VAV2: variants seen among roughly 807,000 people sequenced by gnomAD.
The protein encoded by VAV2 is guanine nucleotide exchange factor VAV2.
A neutral mutation model predicts 132.5 loss-of-function variants in VAV2; 67 were observed. The observed-to-expected ratio is 0.51, with a 90% confidence interval of 0.42 to 0.62. The LOEUF (loss-of-function observed/expected upper bound fraction) is 0.62, where lower values mean the gene tolerates loss of function less well. Among genes scored for constraint, VAV2 ranks in the 20% least tolerant of loss-of-function variants. VAV2 has a pLI of 0.00. For synonymous variants in VAV2, 492 were observed against 443.5 expected (o/e 1.11, Z -1.37); for missense variants, 938 against 1,153.6 (o/e 0.81, Z 2.71).
At chr9:133,975,513 C>T (rs913223264) in intron 1 of VAV2, among the ~76,000 whole-genome samples, 1 of 152,202 alleles carries the variant, frequency 6.6e-6, no homozygotes, top group Non-Finnish European at 1.5e-5. Context: ...ACATGTATTG[C>T]GGAAAGTATT....
At chr9:133,856,684 G>A (rs1037490302) in intron 3 of VAV2, among the ~76,000 whole-genome samples, 2 of 152,190 alleles carry the variant, frequency 1.3e-5, no homozygotes, top group Non-Finnish European at 2.9e-5. Flanking sequence ...AGGGGCTGGC[G>A]TCAAGGTATC....
intron 8 of VAV2, among the ~76,000 whole-genome samples, chr9:133,806,977 A>G (rs942456756): frequency 6.6e-6 from 1 of 152,240 alleles, no homozygotes; most frequent in African/African-American, 2.4e-5. Flanking sequence ...GGCCGCTGAC[A>G]AAAACTTCAT....
intron 2 of VAV2, among the ~76,000 whole-genome samples, chr9:133,917,441 C>CTTTT (rs56141918): frequency 7.5e-6 from 1 of 132,610 alleles, no homozygotes; most frequent in Admixed American, 7.2e-5. Context: ...AAAACTCTTT[C>CTTTT]TTTTTTTTTT....
At chr9:133,803,937 G>A (rs1835037195) in intron 9 of VAV2, among the ~76,000 whole-genome samples, 1 of 152,026 alleles carries the variant, frequency 6.6e-6, no homozygotes, top group Non-Finnish European at 1.5e-5. Flanking sequence ...CCCCACCCCT[G>A]CAGGACTGTG....
chr9:133,827,633 G>GCACGGGCATCGCCAGCTACCGC (rs1836075376), intron 4 of VAV2, among the ~76,000 whole-genome samples: 1 of 19,200 alleles, frequency 5.2e-5, no homozygotes, highest in African/African-American at 7.2e-5. Context: ...TGACCACTGA[G>GCACGGGCATCGCCAGCTACCGC]TGGGGGCATC....
chr9:133,983,428 G>A (rs935801486), intron 1 of VAV2, among the ~76,000 whole-genome samples: 7 of 152,092 alleles, frequency 4.6e-5, no homozygotes, highest in Admixed American at 2.6e-4. Flanking sequence ...GGGGTGGGGC[G>A]GATGCTCACC....
At chr9:133,839,642 G>A (rs1167316711) in intron 3 of VAV2, among the ~76,000 whole-genome samples, 1 of 151,914 alleles carries the variant, frequency 6.6e-6, no homozygotes, top group Non-Finnish European at 1.5e-5. Context: ...GTAGAGACAG[G>A]GTTTCACTAT....
Position 133,844,320 on chromosome 9 carries a change from G to T in VAV2, c.381-9980C>A, listed in dbSNP as rs372752249. 1.4e-4 allele frequency among the ~76,000 whole-genome samples: 22 copies of T among 152,288 alleles called. No individual in the cohort carries two copies. In the East Asian group the frequency reaches 2.3e-3, roughly 16 times the overall value. On this transcript the variant is annotated intron_variant, in intron 3 of 29. Transcript: ENST00000371850. ...AGTGGTCCACAGGGTGTCCTTCCCCGGTGAGCATGCAGAGCCCCCGAAGCT... is the reference window on the plus strand; with the variant it reads ...AGTGGTCCACAGGGTGTCCTTCCCCTGTGAGCATGCAGAGCCCCCGAAGCT...
chr9:133,972,407 G>A (rs1417769113), intron 1 of VAV2, among the ~76,000 whole-genome samples: 1 of 152,220 alleles, frequency 6.6e-6, no homozygotes, highest in African/African-American at 2.4e-5. Context: ...GAGGCTCCAG[G>A]AACACACTGC....
intron 3 of VAV2, among the ~76,000 whole-genome samples, chr9:133,861,041 G>A (rs1055608642): frequency 3.3e-5 from 5 of 152,116 alleles, no homozygotes; most frequent in Admixed American, 2.6e-4. Flanking sequence ...CCTCATTCTC[G>A]GCACAGCCCC....
Position 133,992,243 on chromosome 9 carries a change from G to T in VAV2, c.36C>A (p.Ile12=). 1 of 1,583,574 alleles carries T rather than the reference G, an allele frequency of 6.3e-7. No homozygotes were observed. ...EQWRQCGRWL[I]DCKVLPPNHR... ...GGTTGGGCGGCAGGACCTTGCAATC[G>T]ATGAGCCAGCGGCCGCACTGCCGCC... is the stretch of plus-strand genomic sequence containing the variant. Residue 12 remains isoleucine, a synonymous_variant, in exon 1 of 30, where the codon ATC becomes ATA. Coordinates refer to ENST00000371850, the MANE Select transcript of VAV2 (RefSeq NM_001134398.2). This position sits in a 1 kb window ranked among gnomAD's most constrained non-coding sequence, Gnocchi z 5.5.
At chr9:133,818,292 G>A (rs1183604600) in intron 4 of VAV2, among the ~76,000 whole-genome samples, 1 of 151,758 alleles carries the variant, frequency 6.6e-6, no homozygotes, top group Non-Finnish European at 1.5e-5. Flanking sequence ...CGTGAACCTG[G>A]GAGGCAGAGC....
At chr9:133,803,860 C>T (rs73663848) in intron 9 of VAV2, among the ~76,000 whole-genome samples, 3,610 of 152,290 alleles carry the variant, frequency 0.024, 53 homozygotes, top group East Asian at 0.049. Context: ...CCCTGGAGAA[C>T]CGCCCCTTTT....
In VAV2 at chr9:133,912,235, G is replaced by A. The variant is rs1839910439; in HGVS notation, c.321+26868C>T. 6.6e-6 allele frequency among the ~76,000 whole-genome samples: 1 copy of A among 152,180 alleles called. No homozygotes were observed. On this transcript the variant is annotated intron_variant, in intron 2 of 29. Coordinates refer to ENST00000371850, the MANE Select transcript of VAV2 (RefSeq NM_001134398.2). The surrounding 1 kb of genome is among the most constrained non-coding windows in gnomAD (Gnocchi z 4.3). Reference sequence around the variant, plus strand: ...AGGGCTGACAACCAGGAGTGTTTTAGTACAAAACAGACAAACCAGAAACCT... The same window carrying A: ...AGGGCTGACAACCAGGAGTGTTTTAATACAAAACAGACAAACCAGAAACCT...
In VAV2 at chr9:133,842,694, G is replaced by A. The variant is rs138676172; in HGVS notation, c.381-8354C>T. Among the ~76,000 whole-genome samples the A allele has an allele frequency of 6.2e-3, 944 of 152,338 alleles. 7 individuals carry two copies. Among genetic ancestry groups the A allele is most frequent in the African/African-American group, 0.022 (905 of 41,572 alleles). ...AAATCAGGCTTTGGGAGGGCCAGGT[G>A]CTGGCCTGGTACTGGAACACCACCA... On this transcript the variant is annotated intron_variant, in intron 3 of 29. Coordinates refer to ENST00000371850, the MANE Select transcript of VAV2 (RefSeq NM_001134398.2).
intron 2 of VAV2, among the ~76,000 whole-genome samples, chr9:133,915,262 C>T (rs543192055): frequency 1.3e-5 from 2 of 152,284 alleles, no homozygotes; most frequent in Admixed American, 1.3e-4. Context: ...GCCCCCACAC[C>T]ACCGTCCCGC....
In VAV2 at chr9:133,763,344, G is replaced by A. The variant is rs988455107; in HGVS notation, c.*718C>T. 6.6e-6 allele frequency: 1 copy of A among 152,212 alleles called. No homozygotes were observed. The highest frequency in any genetic ancestry group is 1.5e-5 in the Non-Finnish European group (1 of 68,066). 9.4% of individuals were successfully genotyped at this position (152,212 alleles called of 1,614,324 possible). The stretch of plus-strand genomic sequence containing the variant: ...AGGGCAGGAAACGGTACCGCTGACC[G>A]GGCAGCAGGGTTGGAATTTCATCAT... On this transcript the variant is annotated 3_prime_UTR_variant, in exon 30 of 30. Transcript: ENST00000371850. This position sits in a 1 kb window ranked among gnomAD's most constrained non-coding sequence, Gnocchi z 6.8.
At chr9:133,914,786 A>AG (rs1840010283) in intron 2 of VAV2, among the ~76,000 whole-genome samples, 8 of 43,090 alleles carry the variant, frequency 1.9e-4, no homozygotes, top group African/African-American at 8.0e-4. Flanking sequence ...ACGGGAGGGG[A>AG]GAGGAGGAGG....
At chr9:133,871,628 C>T (rs1838059837) in intron 2 of VAV2, among the ~76,000 whole-genome samples, 1 of 152,094 alleles carries the variant, frequency 6.6e-6, no homozygotes, top group Non-Finnish European at 1.5e-5. Context: ...ATACCTATCT[C>T]CCTGAGTCCC....
Sources: allele counts gnomAD v4.1 joint callset (sites outside exome capture counted in the v4.1 genomes callset), GRCh38; gene constraint gnomAD v4.1.1; non-coding constraint Gnocchi (gnomAD v3.1); transcripts MANE v1.5; gene names NCBI Gene and HGNC (gene_info 2026-07-23, HGNC 2026-07-21).